Variants in SPNS3 observed in about 807,000 individuals in gnomAD.
SPNS3 encodes the protein SPNS lysolipid transporter 3, sphingosine-1-phosphate (putative).
Under a neutral mutation model 54.4 loss-of-function variants are expected in SPNS3, and 51 were observed. The observed-to-expected ratio is 0.94, with a 90% CI of 0.75 to 1.18. The LOEUF is 1.18. Ranked by LOEUF, SPNS3 falls within the 50% of genes most tolerant of loss-of-function variation. SPNS3 has a pLI of 0.00. For synonymous variants in SPNS3, 309 were observed against 294.7 expected (o/e 1.05, Z -0.50); for missense variants, 669 against 677.4 (o/e 0.99, Z 0.14).
chr17:4,466,455 G>A (rs1314738752), intron 8 of SPNS3, among the ~76,000 whole-genome samples: 4 of 149,726 alleles, frequency 2.7e-5, no homozygotes, highest in African/African-American at 7.4e-5. Flanking sequence ...CAGGAGAATC[G>A]CTTGAGCCCA....
intron 9 of SPNS3, among the ~76,000 whole-genome samples, chr17:4,481,277 G>A (rs1972144230): frequency 6.6e-6 from 1 of 152,004 alleles, no homozygotes; most frequent in Non-Finnish European, 1.5e-5. Flanking sequence ...AGCACTGGGG[G>A]AGGAAGTGGC....
At chr17:4,461,823 T>C (rs1462555633) in intron 8 of SPNS3, among the ~76,000 whole-genome samples, 1 of 152,002 alleles carries the variant, frequency 6.6e-6, no homozygotes, top group African/African-American at 2.4e-5. Context: ...GCAAGTGTTT[T>C]GGGGAAGGTC....
rs754434764 is a variant in SPNS3 at position 4,448,227 on chromosome 17, G to T, written c.694G>T (p.Ala232Ser). The T allele has an allele frequency of 6.2e-7, 1 of 1,603,236 alleles. No homozygotes were observed. Among genetic ancestry groups the T allele is most frequent in the Non-Finnish European group, 8.5e-7 (1 of 1,175,272 alleles). ...LLVPDPPRGA[A>S]ETQGEGAVGG... ...GGTTCCAGACCCACCCCGGGGAGCT[G>T]CCGAGACACAGGGGGAGGGGGCCGT... is the stretch of plus-strand genomic sequence containing the variant. The change falls in exon 6 of 12, where the codon GCC (alanine) becomes TCC (serine). Residue 232 changes from alanine (A) to serine (S), a missense_variant. Transcript: ENST00000355530.
chr17:4,457,578 C>T (rs987159190), intron 8 of SPNS3, among the ~76,000 whole-genome samples: 1 of 152,190 alleles, frequency 6.6e-6, no homozygotes, highest in African/African-American at 2.4e-5. Context: ...GCTGGTGGGG[C>T]CTGACCTCAC....
At chr17:4,459,381 T>C (rs1971431142) in intron 8 of SPNS3, among the ~76,000 whole-genome samples, 1 of 152,138 alleles carries the variant, frequency 6.6e-6, no homozygotes, top group Admixed American at 6.6e-5. Context: ...CCAATATTTA[T>C]TGATTGTCAA....
Position 4,446,102 on chromosome 17 carries a change from T to C in SPNS3, c.457T>C (p.Tyr153His). 1 of 1,613,336 alleles carries C rather than the reference T, an allele frequency of 6.2e-7. No homozygotes were observed. Among genetic ancestry groups the C allele is most frequent in the East Asian group, 2.2e-5 (1 of 44,864 alleles). Residue 153 changes from tyrosine (Y) to histidine (H), a missense_variant, in exon 4 of 12, where the codon TAC becomes CAC. Physicochemically the swap from Tyr to His is moderately conservative, Grantham distance 83. Coordinates refer to ENST00000355530, the MANE Select transcript of SPNS3 (RefSeq NM_182538.5). ...RGIVGTGSAS[Y>H]STIAPTVLGD... ...CATCGTGGGCACTGGCTCGGCCAGCTACTCCACCATCGCGCCCACCGTCCT... is the reference window on the plus strand; with the variant it reads ...CATCGTGGGCACTGGCTCGGCCAGCCACTCCACCATCGCGCCCACCGTCCT...
intron 8 of SPNS3, 31 bp from the exon 9 acceptor site, chr17:4,478,541 A>G: frequency 6.4e-7 from 1 of 1,554,316 alleles, no homozygotes; most frequent in Admixed American, 2.0e-5. Flanking sequence ...GGGATCTGGG[A>G]ATCCTCACCC....
chr17:4,486,453 G>A lies in SPNS3; in HGVS notation c.1320G>A (p.Leu440=). 1.2e-6 allele frequency: 2 copies of A among 1,612,712 alleles called. No homozygotes were observed. Among genetic ancestry groups the A allele is most frequent in the Non-Finnish European group, 1.7e-6 (2 of 1,179,518 alleles). Residue 440 remains leucine, a synonymous_variant, in exon 11 of 12, where the codon CTG becomes CTA. Coordinates refer to ENST00000355530, the MANE Select transcript of SPNS3 (RefSeq NM_182538.5). This position sits in a 1 kb window ranked among gnomAD's most constrained non-coding sequence, Gnocchi z 5.5. ...GGGCCAGGCGCCCTGACTCCTATCTGCAGCGCTTCCGCAGCCTGCAGCAGA... is the reference window on the plus strand; with the variant it reads ...GGGCCAGGCGCCCTGACTCCTATCTACAGCGCTTCCGCAGCCTGCAGCAGA... ...VLRARRPDSY[L]QRFRSLQQSF...
At chr17:4,470,365 T>C (rs1373766972) in intron 8 of SPNS3, among the ~76,000 whole-genome samples, 4 of 152,062 alleles carry the variant, frequency 2.6e-5, no homozygotes, top group Non-Finnish European at 2.9e-5. Flanking sequence ...GAGGCAGAGG[T>C]TGCAGTGAGC....
chr17:4,479,526 T>C (rs553465545), intron 9 of SPNS3, among the ~76,000 whole-genome samples: 3 of 152,324 alleles, frequency 2.0e-5, no homozygotes, highest in East Asian at 3.9e-4. Context: ...CTGGGAGGCA[T>C]ACAGGGAAGG....
rs893430824 is a variant in SPNS3 at position 4,483,839 on chromosome 17, G to GC, written c.1180-2386dup. On this transcript the variant is annotated intron_variant, in intron 9 of 11. Transcript: ENST00000355530. This position sits in a 1 kb window ranked among gnomAD's most constrained non-coding sequence, Gnocchi z 4.2. ...ACAGTGCCTCCTGCCACTCTGCCCT[G>GC]CCCACCACCAAACCCCCTGCATCTG... Among the ~76,000 whole-genome samples, 4 of 151,976 alleles carry GC rather than the reference G, an allele frequency of 2.6e-5. No individual in the cohort carries two copies. The highest frequency in any genetic ancestry group is 9.7e-5 in the African/African-American group (4 of 41,348).
chr17:4,478,101 A>G (rs1320017246), intron 8 of SPNS3, among the ~76,000 whole-genome samples: 1 of 149,732 alleles, frequency 6.7e-6, no homozygotes, highest in Non-Finnish European at 1.5e-5. Flanking sequence ...CCTCCTGAGT[A>G]GCTGGAACTA....
intron 8 of SPNS3, among the ~76,000 whole-genome samples, chr17:4,468,757 CTTTCTCTCTTTCTTTT>C (rs1971762984): frequency 4.3e-5 from 6 of 140,342 alleles, no homozygotes; most frequent in African/African-American, 1.7e-4. Context: ...TTCTTTCTTT[CTTTCTCTCTTTCTTTT>C]TCTTTCTTTC....
intron 8 of SPNS3, among the ~76,000 whole-genome samples, chr17:4,465,966 T>G (rs756725857): frequency 2.0e-5 from 3 of 152,200 alleles, no homozygotes; most frequent in Admixed American, 6.5e-5. Flanking sequence ...GCTGCTCTTT[T>G]GGTCTCACGG....
In SPNS3 at chr17:4,486,559, A is replaced by G. The variant is rs750947535; in HGVS notation, c.1426A>G (p.Thr476Ala). ...TGCGCTGTACCTGGAGAGAGACGAG[A>G]CCCGGGCCTGGCAGCCTGTCACAGG... Reference protein sequence around the residue: ...LTALYLERDETRAWQPVTGTP... With the variant: ...LTALYLERDEARAWQPVTGTP... Residue 476 changes from threonine (T) to alanine (A), a missense_variant, in exon 11 of 12, where the codon ACC (threonine) becomes GCC (alanine). By Grantham distance (58) the Thr-to-Ala change is moderately conservative. Transcript: ENST00000355530. The surrounding 1 kb of genome is among the most constrained non-coding windows in gnomAD (Gnocchi z 5.5). 1.2e-6 allele frequency: 2 copies of G among 1,612,370 alleles called. No individual in the cohort carries two copies. Among genetic ancestry groups the G allele is most frequent in the Non-Finnish European group, 1.7e-6 (2 of 1,179,434 alleles).
In SPNS3 at chr17:4,472,048, G is replaced by A. The variant is rs150121765; in HGVS notation, c.1114-6524G>A. On this transcript the variant is annotated intron_variant, in intron 8 of 11. Coordinates refer to ENST00000355530, the MANE Select transcript of SPNS3 (RefSeq NM_182538.5). ...AATTTTTGTATTTTTTAGTAGAGATGGGGTTTTACCATGTTGACCAGGCTG... is the reference window on the plus strand; with the variant it reads ...AATTTTTGTATTTTTTAGTAGAGATAGGGTTTTACCATGTTGACCAGGCTG... Among the ~76,000 whole-genome samples the A allele has an allele frequency of 1.4e-3, 206 of 150,080 alleles. 4 individuals carry two copies. The highest frequency in any genetic ancestry group is 4.7e-3 in the African/African-American group (191 of 40,800).
At chr17:4,471,319 T>G (rs183620674) in intron 8 of SPNS3, among the ~76,000 whole-genome samples, 3 of 152,222 alleles carry the variant, frequency 2.0e-5, no homozygotes, top group Non-Finnish European at 4.4e-5. Context: ...TTACACAGAT[T>G]CTTTATTCCT....
intron 8 of SPNS3, among the ~76,000 whole-genome samples, chr17:4,468,417 A>G (rs2144151437): frequency 6.6e-6 from 1 of 152,340 alleles, no homozygotes; most frequent in Non-Finnish European, 1.5e-5. Flanking sequence ...GGAAGTGTGG[A>G]GAAGTGGTCA....
chr17:4,451,667 T>G (rs1271970789), intron 7 of SPNS3, among the ~76,000 whole-genome samples: 1 of 151,172 alleles, frequency 6.6e-6, no homozygotes, highest in Non-Finnish European at 1.5e-5. Context: ...CTTTATTTGT[T>G]TTGTTTTGTT....
Sources: gnomAD v4.1 joint callset for allele counts (sites outside exome capture counted in the v4.1 genomes callset) on GRCh38, gnomAD v4.1.1 for gene constraint, Gnocchi (gnomAD v3.1) non-coding constraint, MANE v1.5 for transcripts, NCBI Gene and HGNC (gene_info 2026-07-23, HGNC 2026-07-21) for gene names.